The following DOCK5 variants were observed in gnomAD, a reference collection of about 807,000 sequenced individuals.
The protein encoded by DOCK5 is dedicator of cytokinesis 5, also known as dedicator of cytokinesis protein 5.
DOCK5 carries 142 observed loss-of-function variants against 251.8 expected under a neutral mutation model. The ratio of observed to expected loss-of-function variants is 0.56; its 90% CI spans 0.49 to 0.65. The LOEUF (loss-of-function observed/expected upper bound fraction) is 0.65, where lower values mean the gene tolerates loss of function less well. DOCK5 is among the 30% of genes least tolerant of loss of function. DOCK5 has a pLI of 0.00. For missense variants in DOCK5, 2,111 were observed against 2,312.3 expected, an observed-to-expected ratio of 0.91 and a Z score of 1.79; for synonymous variants, 842 against 835.5, an observed-to-expected ratio of 1.01 and a Z score of -0.13.
At chr8:25,302,505 A>C in intron 10 of DOCK5, 51 bp downstream of exon 10, 1 of 1,445,162 alleles carries the variant, frequency 6.9e-7, no homozygotes, top group Non-Finnish European at 9.2e-7. Flanking sequence ...GCTGTGGAAA[A>C]TAGCATGGCG....
chr8:25,332,437 A>G, intron 19 of DOCK5, 89 bp downstream of exon 19: 3 of 1,246,728 alleles, frequency 2.4e-6, no homozygotes, highest in South Asian at 1.4e-5. Flanking sequence ...ATTTAAAATT[A>G]AATCATTCAT....
chr8:25,237,100 C>A (rs1409238565), intron 1 of DOCK5, among the ~76,000 whole-genome samples: 1 of 152,126 alleles, frequency 6.6e-6, no homozygotes, highest in Non-Finnish European at 1.5e-5. Flanking sequence ...GACTGGATGT[C>A]CCATGCCTGT....
chr8:25,393,094 T>C (rs569650196), intron 44 of DOCK5, among the ~76,000 whole-genome samples: 11 of 152,192 alleles, frequency 7.2e-5, no homozygotes, highest in Non-Finnish European at 1.3e-4. Flanking sequence ...TCAATCACAG[T>C]GAATGACTCT....
At chr8:25,265,498 C>A (rs1803718974) in intron 2 of DOCK5, among the ~76,000 whole-genome samples, 1 of 151,882 alleles carries the variant, frequency 6.6e-6, no homozygotes, top group East Asian at 1.9e-4. Context: ...TTAGAGTAAT[C>A]TGTCCTTGGT....
Position 25,308,196 on chromosome 8 carries a change from A to AGGTCACTCAAGT in DOCK5, c.1050-584_1050-573dup, listed in dbSNP as rs1804997617. 2.6e-5 allele frequency among the ~76,000 whole-genome samples: 4 copies of AGGTCACTCAAGT among 152,286 alleles called. No individual in the cohort carries two copies. In the South Asian group the frequency reaches 8.3e-4, roughly 32 times the overall value. ...GCCCTTTACAAGCCGCAGCCTGATA[A>AGGTCACTCAAGT]GGTCACTCAAGTGGAGCTTGTTTGG... On this transcript the variant is annotated intron_variant, in intron 11 of 51. Coordinates refer to ENST00000276440, the MANE Select transcript of DOCK5 (RefSeq NM_024940.8).
rs1009272234 is a variant in DOCK5, at chr8:25,412,971, C to T, written c.*1673C>T. The T allele has an allele frequency of 9.9e-5, 15 of 152,214 alleles. No individual in the cohort carries two copies. Among genetic ancestry groups the T allele is most frequent in the African/African-American group, 3.6e-4 (15 of 41,460 alleles). 9.4% of individuals were successfully genotyped at this position (152,214 alleles called of 1,614,324 possible). A position where few individuals can be genotyped will look rare whatever the true frequency, so the allele number is the denominator to read the frequency against. The stretch of plus-strand genomic sequence containing the variant: ...ATCCTTTACCCCCACCCAGGAAAAC[C>T]TGCATTGTGCTAGCATGGAAGAATC... On this transcript the variant is annotated 3_prime_UTR_variant, in exon 52 of 52. Transcript: ENST00000276440.
rs1279234957 is a variant in DOCK5 at position 25,391,877 on chromosome 8, T to C, written c.4356-19T>C. The C allele has an allele frequency of 6.2e-7, 1 of 1,611,774 alleles. No individual in the cohort carries two copies. Among genetic ancestry groups the C allele is most frequent in the African/African-American group, 1.3e-5 (1 of 74,876 alleles). Reference sequence around the variant, plus strand: ...TGTTCTAAGAGAGAAAAATACAGCATTGCTTTGTCCTTCTCCAGCTACTAC... The same window carrying C: ...TGTTCTAAGAGAGAAAAATACAGCACTGCTTTGTCCTTCTCCAGCTACTAC... On this transcript the variant is annotated intron_variant, in intron 42 of 51. Transcript: ENST00000276440.
Position 25,332,418 on chromosome 8 carries a change from T to C in DOCK5, c.2001+70T>C. The C allele has an allele frequency of 3.1e-6, 4 of 1,299,104 alleles. No individual in the cohort carries two copies. The East Asian group carries it at 9.7e-5, about 32-fold the overall frequency. The allele number at this position is 1,299,104 out of a possible 1,614,324, so 80.5% of individuals were successfully genotyped here. A position where few individuals can be genotyped will look rare whatever the true frequency, so the allele number is the denominator to read the frequency against. On this transcript the variant is annotated intron_variant, in intron 19 of 51. Coordinates refer to ENST00000276440, the MANE Select transcript of DOCK5 (RefSeq NM_024940.8). ...ATATACCTATCTAATTATACCTAAT[T>C]GGTTCACCATTTAAAATTAAATCAT...
intron 40 of DOCK5, among the ~76,000 whole-genome samples, chr8:25,383,747 C>A (rs1213578805): frequency 1.3e-5 from 2 of 151,972 alleles, no homozygotes; most frequent in African/African-American, 4.8e-5. Flanking sequence ...CTCAGCTACT[C>A]AGGAGGCTGA....
chr8:25,213,730 A>G lies in DOCK5; in HGVS notation c.43+28779A>G, dbSNP rs77298839. Among the ~76,000 whole-genome samples, 1,432 of 152,292 alleles carry G rather than the reference A, an allele frequency of 9.4e-3. 17 individuals are homozygous for G. Among genetic ancestry groups the G allele is most frequent in the African/African-American group, 0.033 (1,362 of 41,558 alleles). ...CAGAATTGCAGTCACTCTAATCCTG[A>G]CATCACAAACGCATTTGTTCTTGGA... On this transcript the variant is annotated intron_variant, in intron 1 of 51. Transcript: ENST00000276440.
chr8:25,190,309 T>C (rs1801545319), intron 1 of DOCK5, among the ~76,000 whole-genome samples: 1 of 152,180 alleles, frequency 6.6e-6, no homozygotes, highest in African/African-American at 2.4e-5. Context: ...CGTGAAGGTG[T>C]TTTTCAAAGT....
intron 2 of DOCK5, among the ~76,000 whole-genome samples, chr8:25,251,464 C>T (rs76933563): frequency 0.011 from 1,617 of 152,222 alleles, 31 homozygotes; most frequent in African/African-American, 0.036. Context: ...GTTATTTCTT[C>T]TATATAGAAG....
intron 46 of DOCK5, 143 bp downstream of exon 46, chr8:25,400,137 A>G: frequency 1.5e-6 from 1 of 663,264 alleles, no homozygotes; most frequent in Non-Finnish European, 2.6e-6. Flanking sequence ...CTATCTATGT[A>G]TTTGTTTGCT....
At chr8:25,278,422 G>A in intron 4 of DOCK5, 147 bp from the exon 5 acceptor site, 1 of 683,776 alleles carries the variant, frequency 1.5e-6, no homozygotes, top group South Asian at 1.8e-5. Context: ...CCAGATGCTT[G>A]GATGCGATAA....
At chr8:25,252,244 G>C (rs962481029) in intron 2 of DOCK5, among the ~76,000 whole-genome samples, 2 of 152,014 alleles carry the variant, frequency 1.3e-5, no homozygotes, top group Non-Finnish European at 2.9e-5. Flanking sequence ...CATGCACAGT[G>C]GTCAGAAGCC....
At chr8:25,360,030 A>G (rs1379303807) in intron 28 of DOCK5, among the ~76,000 whole-genome samples, 1 of 152,210 alleles carries the variant, frequency 6.6e-6, no homozygotes, top group African/African-American at 2.4e-5. Context: ...CCGCTGGATT[A>G]GCACACTGTT....
chr8:25,384,451 A>ATT lies in DOCK5; in HGVS notation c.4131+1675_4131+1676dup, dbSNP rs1311005105. On this transcript the variant is annotated intron_variant, in intron 40 of 51. Transcript: ENST00000276440. ...TATTATTTTATTTATTTATTTATTT[A>ATT]TTTATTTATTTATTTTTTTTTTTTT... 2.6e-4 allele frequency among the ~76,000 whole-genome samples: 7 copies of ATT among 26,554 alleles called. No homozygotes were observed. The East Asian group carries it at 5.2e-3, about 20-fold the overall frequency. The allele number at this position is 26,554 out of a possible 152,430, so 17.4% of individuals were successfully genotyped here.
rs377590566 is a variant in DOCK5, at chr8:25,368,217, G to A, written c.3250G>A (p.Gly1084Ser). ...KKYGDMRKEI[G>S]FRIRDMWYNL... Reference sequence around the variant, plus strand: ...ATATGGGGACATGAGAAAGGAAATCGGCTTTAGAATCCGGGACATGTGGTA... The same window carrying A: ...ATATGGGGACATGAGAAAGGAAATCAGCTTTAGAATCCGGGACATGTGGTA... Residue 1084 changes from glycine to serine, a missense_variant, in exon 32 of 52, where the codon GGC becomes AGC. Around this residue, in one of 3 missense-constraint regions of DOCK5, gnomAD observed 1,717 missense variants for 1,892.4 expected, o/e 0.91. Transcript: ENST00000276440. 7.4e-6 allele frequency: 12 copies of A among 1,612,692 alleles called. No homozygotes were observed. The highest frequency in any genetic ancestry group is 2.2e-5 in the East Asian group (1 of 44,860).
At chr8:25,200,061 T>C (rs1170407733) in intron 1 of DOCK5, among the ~76,000 whole-genome samples, 2 of 152,252 alleles carry the variant, frequency 1.3e-5, no homozygotes, top group Non-Finnish European at 2.9e-5. Context: ...AGCATTGTTA[T>C]ACATTTGATG....
Sources: allele counts gnomAD v4.1 joint callset (sites outside exome capture counted in the v4.1 genomes callset), GRCh38; gene constraint gnomAD v4.1.1; regional missense constraint gnomAD v4.1.1; transcripts MANE v1.5; gene names NCBI Gene and HGNC (gene_info 2026-07-23, HGNC 2026-07-21).